CNTNAP4: variants seen among roughly 807,000 people sequenced by gnomAD.
The protein encoded by CNTNAP4 is contactin-associated protein-like 4.
In CNTNAP4, 98 loss-of-function variants were observed where a neutral mutation model predicts 148.4. The observed-to-expected ratio is 0.66, with a 90% CI of 0.56 to 0.78. CNTNAP4 has a LOEUF of 0.78. Ranked by LOEUF, CNTNAP4 falls within the 30% of genes least tolerant of loss-of-function variation. CNTNAP4 has a pLI of 0.00. For missense variants in CNTNAP4, 1,935 were observed against 1,565.6 expected, an observed-to-expected ratio of 1.24 and a Z score of -3.98; for synonymous variants, 730 against 565.1, an observed-to-expected ratio of 1.29 and a Z score of -4.14.
chr16:76,396,555 G>A (rs1029657791), intron 3 of CNTNAP4, among the ~76,000 whole-genome samples: 2 of 152,218 alleles, frequency 1.3e-5, no homozygotes, highest in African/African-American at 4.8e-5. Context: ...CATGATTACA[G>A]AGTGGTTTTG....
intron 5 of CNTNAP4, 71 bp from the exon 6 acceptor site, chr16:76,448,696 A>G (rs564930788): frequency 8.4e-7 from 1 of 1,187,864 alleles, no homozygotes. Flanking sequence ...ATGGTGGTCC[A>G]CAGAAGGGAA....
At chr16:76,294,803 T>C (rs965783739) in intron 1 of CNTNAP4, among the ~76,000 whole-genome samples, 6 of 152,214 alleles carry the variant, frequency 3.9e-5, no homozygotes, top group Admixed American at 6.5e-5. Context: ...TCATTACACA[T>C]GTCTTCAGCA....
intron 15 of CNTNAP4, among the ~76,000 whole-genome samples, chr16:76,510,795 C>A (rs2082991579): frequency 6.6e-6 from 1 of 152,122 alleles, no homozygotes; most frequent in Non-Finnish European, 1.5e-5. Flanking sequence ...ATTGCCTTAA[C>A]ACTTCAGAAG....
intron 17 of CNTNAP4, among the ~76,000 whole-genome samples, chr16:76,527,116 G>T (rs1214846369): frequency 6.6e-6 from 1 of 152,048 alleles, no homozygotes; most frequent in Non-Finnish European, 1.5e-5. Context: ...AAGAGTCTCT[G>T]GTCCTTCTTC....
At chr16:76,292,831 A>G (rs998691990) in intron 1 of CNTNAP4, among the ~76,000 whole-genome samples, 6 of 152,228 alleles carry the variant, frequency 3.9e-5, no homozygotes, top group Admixed American at 6.5e-5. Flanking sequence ...TCAAAATGAA[A>G]AAGAAAACAC....
chr16:76,491,055 T>G (rs1163360266), intron 13 of CNTNAP4, among the ~76,000 whole-genome samples: 1 of 152,138 alleles, frequency 6.6e-6, no homozygotes, highest in East Asian at 1.9e-4. Context: ...CATTTCCGAT[T>G]AAGTCTCTCT....
At chr16:76,385,494 GTTTCC>G (rs1197158258) in intron 3 of CNTNAP4, among the ~76,000 whole-genome samples, 2 of 151,724 alleles carry the variant, frequency 1.3e-5, no homozygotes, top group South Asian at 2.1e-4. Context: ...ATATAGCAAT[GTTTCC>G]TTTCAGTCTT....
Position 76,358,840 on chromosome 16 carries a change from A to ATG in CNTNAP4, c.390+3337_390+3338dup, listed in dbSNP as rs555206507. 8.2e-4 allele frequency among the ~76,000 whole-genome samples: 115 copies of ATG among 140,514 alleles called. 1 individual carries two copies. The South Asian group carries it at 0.017, about 21-fold the overall frequency. 92.2% of individuals were successfully genotyped at this position (140,514 alleles called of 152,430 possible). On this transcript the variant is annotated intron_variant, in intron 3 of 23. Transcript: ENST00000611870. Reference sequence around the variant, plus strand: ...ACCCCAAGTCTCTGAAAGTATACGTATGTGTGTGTATATATATATATGTAT... The same window carrying ATG: ...ACCCCAAGTCTCTGAAAGTATACGTATGTGTGTGTGTATATATATATATGTAT...
intron 2 of CNTNAP4, among the ~76,000 whole-genome samples, chr16:76,332,508 G>A (rs892666131): frequency 1.8e-4 from 27 of 151,746 alleles, no homozygotes; most frequent in African/African-American, 6.3e-4. Context: ...AAGCAATCTG[G>A]CCACCTCAAC....
At chr16:76,396,371 G>A (rs1409310098) in intron 3 of CNTNAP4, among the ~76,000 whole-genome samples, 4 of 152,162 alleles carry the variant, frequency 2.6e-5, no homozygotes, top group Non-Finnish European at 5.9e-5. Context: ...CGGTGCAAGG[G>A]ACAGGATGCA....
At position 76,558,590 on chromosome 16, in the gene CNTNAP4, G is replaced by A; in HGVS notation, c.3834G>A (p.Arg1278=). Reference sequence around the variant, plus strand: ...TATATAAAAGAAGTGAGGCAAAAAGGTCAGAGAATGTAGACAGTGCTGAGG... The same window carrying A: ...TATATAAAAGAAGTGAGGCAAAAAGATCAGAGAATGTAGACAGTGCTGAGG... The part of the protein sequence containing the change: ...KRLYKRSEAK[R]SENVDSAEAV... Residue 1278 remains arginine (R), a synonymous_variant, in exon 24 of 24, where the codon AGG becomes AGA. Transcript: ENST00000611870. The A allele has an allele frequency of 2.5e-6, 4 of 1,613,222 alleles. No individual in the cohort carries two copies. Among genetic ancestry groups the A allele is most frequent in the Non-Finnish European group, 3.4e-6 (4 of 1,179,334 alleles).
At chr16:76,449,637 C>G in intron 6 of CNTNAP4, 78 bp from the exon 7 acceptor site, 2 of 1,198,050 alleles carry the variant, frequency 1.7e-6, no homozygotes, top group Non-Finnish European at 2.3e-6. Flanking sequence ...ATGATTATAG[C>G]TATACTTGCT....
chr16:76,547,487 A>G (rs8046290), intron 21 of CNTNAP4, among the ~76,000 whole-genome samples: 36,080 of 152,100 alleles, frequency 0.24, 4,381 homozygotes, highest in South Asian at 0.28. Context: ...AACACTAACA[A>G]TAATGTGTTG....
chr16:76,496,350 T>A (rs949886313), intron 14 of CNTNAP4, among the ~76,000 whole-genome samples: 2 of 152,104 alleles, frequency 1.3e-5, no homozygotes, highest in Admixed American at 1.3e-4. Context: ...AACTCTCCAA[T>A]GCCTCCATAA....
intron 9 of CNTNAP4, among the ~76,000 whole-genome samples, chr16:76,462,910 A>C (rs1284625356): frequency 6.6e-6 from 1 of 152,156 alleles, no homozygotes; most frequent in East Asian, 1.9e-4. Context: ...TCATTTTTGC[A>C]TTTGATAGAG....
chr16:76,388,947 C>G (rs886594980), intron 3 of CNTNAP4, among the ~76,000 whole-genome samples: 1 of 151,934 alleles, frequency 6.6e-6, no homozygotes, highest in Non-Finnish European at 1.5e-5. Flanking sequence ...TATAGTAATT[C>G]TAGAGAAAAG....
chr16:76,357,479 C>T (rs531232989), intron 3 of CNTNAP4, among the ~76,000 whole-genome samples: 1 of 152,236 alleles, frequency 6.6e-6, no homozygotes, highest in African/African-American at 2.4e-5. Flanking sequence ...TAGTCCAAAC[C>T]AGTAAAAGTA....
chr16:76,294,269 A>C (rs1231190589), intron 1 of CNTNAP4, among the ~76,000 whole-genome samples: 1 of 152,160 alleles, frequency 6.6e-6, no homozygotes, highest in Non-Finnish European at 1.5e-5. Flanking sequence ...TCCATACTAC[A>C]CTTCAGTATG....
rs201688808 is a variant in CNTNAP4, at chr16:76,451,570, TAAAATA to T, written c.1072-925_1072-920del. ...TATTTTTAATAAAAGCAAAATTATT[TAAAATA>T]AAAATAAAAATATTTTAGATAGATG... On this transcript the variant is annotated intron_variant, in intron 7 of 23. Transcript: ENST00000611870. 7.3e-5 allele frequency among the ~76,000 whole-genome samples: 11 copies of T among 149,748 alleles called. No homozygotes were observed. The East Asian group carries it at 1.2e-3, about 16-fold the overall frequency.
Sources: gnomAD v4.1 joint callset for allele counts (sites outside exome capture counted in the v4.1 genomes callset) on GRCh38, gnomAD v4.1.1 for gene constraint, MANE v1.5 for transcripts, NCBI Gene and HGNC (gene_info 2026-07-23, HGNC 2026-07-21) for gene names.